The following KIF26B variants were observed in gnomAD, a reference collection of about 807,000 sequenced individuals.
The protein encoded by KIF26B is kinesin family member 26B, also known as kinesin-like protein KIF26B.
A neutral mutation model predicts 151.2 loss-of-function variants in KIF26B; 63 were observed. The observed-to-expected ratio is 0.42, with a 90% CI of 0.34 to 0.51. The LOEUF is 0.51. Ranked by LOEUF, KIF26B falls within the 20% of genes least tolerant of loss-of-function variation. The probability of loss-of-function intolerance (pLI) is 0.07; values close to 1 mark genes in which losing one functional copy is unlikely to be tolerated. For missense variants in KIF26B, 2,813 were observed against 2,913.6 expected, an observed-to-expected ratio of 0.97 and a Z score of 0.79; for synonymous variants, 1,357 against 1,262.1, an observed-to-expected ratio of 1.08 and a Z score of -1.59.
At position 245,156,431 on chromosome 1, in the gene KIF26B, C is replaced by T. The variant is rs1004270586; in HGVS notation, c.213C>T (p.Pro71=). 29 of 1,527,934 alleles carry T rather than the reference C, an allele frequency of 1.9e-5. No individual in the cohort carries two copies. In the African/African-American group the frequency reaches 3.8e-4, roughly 20 times the overall value. 94.6% of individuals were successfully genotyped at this position (1,527,934 alleles called of 1,614,324 possible). A position where few individuals can be genotyped will look rare whatever the true frequency, so the allele number is the denominator to read the frequency against. Residue 71 remains proline (P), a synonymous_variant, in exon 2 of 15, where the codon CCC becomes CCT. Coordinates refer to ENST00000407071, the MANE Select transcript of KIF26B (RefSeq NM_018012.4). ...SALGSSGTPS[P]GSGTSSPSSF... is the part of the protein sequence containing the mutation. ...TCGGCTCCTCGGGGACCCCGTCTCC[C>T]GGCTCGGGCACCTCGTCCCCGAGCT...
chr1:245,343,689 G>A (rs148290397), intron 2 of KIF26B, among the ~76,000 whole-genome samples: 7 of 152,224 alleles, frequency 4.6e-5, no homozygotes, highest in African/African-American at 1.2e-4. Flanking sequence ...AGTGCTTGAC[G>A]GTTTTGACAG....
intron 5 of KIF26B, among the ~76,000 whole-genome samples, chr1:245,553,293 T>C (rs1314157595): frequency 5.3e-5 from 8 of 152,182 alleles, no homozygotes; most frequent in Non-Finnish European, 7.3e-5. Flanking sequence ...GAACCTGTCC[T>C]CTGGATGGCT....
intron 2 of KIF26B, among the ~76,000 whole-genome samples, chr1:245,326,136 A>G (rs73130851): frequency 0.11 from 16,215 of 152,144 alleles, 1,591 homozygotes; most frequent in African/African-American, 0.26. Context: ...TTCTAAAAGT[A>G]AGGCGTGTTC....
At chr1:245,381,741 C>G (rs911856677) in intron 3 of KIF26B, among the ~76,000 whole-genome samples, 7 of 152,186 alleles carry the variant, frequency 4.6e-5, no homozygotes, top group African/African-American at 1.7e-4. Context: ...ATTCTCCCTC[C>G]CACCAGCCCC....
chr1:245,513,370 T>C (rs1435443340), intron 4 of KIF26B, among the ~76,000 whole-genome samples: 2 of 151,396 alleles, frequency 1.3e-5, no homozygotes, highest in Admixed American at 1.3e-4. Context: ...TGCTGAGCAA[T>C]TAAAAAAAAA....
chr1:245,188,554 A>G (rs1161308787), intron 2 of KIF26B, among the ~76,000 whole-genome samples: 1 of 152,222 alleles, frequency 6.6e-6, no homozygotes, highest in African/African-American at 2.4e-5. Flanking sequence ...CTAGCTCCCA[A>G]GTTAGTTCCT....
Position 245,702,538 on chromosome 1 carries a change from C to T in KIF26B, c.6259C>T (p.Arg2087Cys), listed in dbSNP as rs750075889. The change falls in exon 15 of 15, where the codon CGT (arginine) becomes TGT (cysteine). Residue 2087 changes from arginine (R) to cysteine (C), a missense_variant. Around this residue, in one of 3 missense-constraint regions of KIF26B, gnomAD observed 2,060 missense variants for 2,088.6 expected, o/e 0.99. Coordinates refer to ENST00000407071, the MANE Select transcript of KIF26B (RefSeq NM_018012.4). The surrounding 1 kb of genome is among the most constrained non-coding windows in gnomAD (Gnocchi z 4.1). ...LECVTERLES[R>C]VNFCKAHLMM... ...GTGTGTGACGGAGCGCCTGGAGAGCCGTGTCAACTTCTGCAAGGCCCATCT... is the reference window on the plus strand; with the variant it reads ...GTGTGTGACGGAGCGCCTGGAGAGCTGTGTCAACTTCTGCAAGGCCCATCT... 6.2e-6 allele frequency: 10 copies of T among 1,613,814 alleles called. No individual in the cohort carries two copies. The highest frequency in any genetic ancestry group is 5.0e-5 in the Admixed American group (3 of 59,994).
chr1:245,392,233 A>G (rs769860462), intron 3 of KIF26B, among the ~76,000 whole-genome samples: 7 of 152,168 alleles, frequency 4.6e-5, no homozygotes, highest in Non-Finnish European at 1.0e-4. Flanking sequence ...CACCCACCCC[A>G]ATCCTACGCC....
intron 2 of KIF26B, among the ~76,000 whole-genome samples, chr1:245,316,184 T>TA (rs1671770973): frequency 6.6e-6 from 1 of 151,770 alleles, no homozygotes; most frequent in Non-Finnish European, 1.5e-5. Context: ...TTGCCCAGGA[T>TA]AGAGTGCAGT....
chr1:245,546,522 G>C (rs1384968872), intron 5 of KIF26B, among the ~76,000 whole-genome samples: 1 of 152,118 alleles, frequency 6.6e-6, no homozygotes, highest in African/African-American at 2.4e-5. Context: ...TATTATTGCT[G>C]TCCTTCCTCA....
At chr1:245,623,059 T>G (rs1333983717) in intron 9 of KIF26B, among the ~76,000 whole-genome samples, 1 of 150,016 alleles carries the variant, frequency 6.7e-6, no homozygotes, top group Non-Finnish European at 1.5e-5. Flanking sequence ...TTTTGTTGTT[T>G]TTTAACAACT....
At chr1:245,234,175 C>T (rs914347228) in intron 2 of KIF26B, among the ~76,000 whole-genome samples, 1 of 151,594 alleles carries the variant, frequency 6.6e-6, no homozygotes. Flanking sequence ...TAGAACGAGA[C>T]TCCCTCTTAA....
chr1:245,592,221 A>C (rs1393322393), intron 5 of KIF26B, among the ~76,000 whole-genome samples: 4 of 152,148 alleles, frequency 2.6e-5, no homozygotes, highest in Non-Finnish European at 4.4e-5. Flanking sequence ...GCTGTCTGGC[A>C]CCACGGGAGC....
intron 9 of KIF26B, among the ~76,000 whole-genome samples, chr1:245,635,428 C>G (rs1233831981): frequency 6.6e-6 from 1 of 151,934 alleles, no homozygotes; most frequent in African/African-American, 2.4e-5. Context: ...CATAATGTTT[C>G]TTTATTATCT....
chr1:245,177,751 C>T (rs1668835974), intron 2 of KIF26B, among the ~76,000 whole-genome samples: 1 of 151,746 alleles, frequency 6.6e-6, no homozygotes, highest in Non-Finnish European at 1.5e-5. Context: ...AGGCCTGTTT[C>T]TGATTAGTAA....
At chr1:245,185,358 C>T (rs924897637) in intron 2 of KIF26B, among the ~76,000 whole-genome samples, 7 of 152,006 alleles carry the variant, frequency 4.6e-5, no homozygotes, top group African/African-American at 1.2e-4. Context: ...AGGCTGGTCT[C>T]GAACTCCTGA....
intron 10 of KIF26B, among the ~76,000 whole-genome samples, chr1:245,679,060 G>A (rs906854671): frequency 3.9e-5 from 6 of 151,970 alleles, no homozygotes; most frequent in Admixed American, 6.6e-5. Context: ...ACTGTTTCCC[G>A]GTTACTCTAG....
chr1:245,200,999 G>A (rs1388656604), intron 2 of KIF26B, among the ~76,000 whole-genome samples: 1 of 152,158 alleles, frequency 6.6e-6, no homozygotes, highest in African/African-American at 2.4e-5. Context: ...CACACCCTGT[G>A]CCCAGTATTT....
intron 2 of KIF26B, among the ~76,000 whole-genome samples, chr1:245,303,388 C>T (rs922955818): frequency 1.6e-4 from 24 of 150,608 alleles, no homozygotes; most frequent in Non-Finnish European, 2.1e-4. Flanking sequence ...TTAGTAGAGA[C>T]GGGGTTTCAC....
Sources: allele counts gnomAD v4.1 joint callset (sites outside exome capture counted in the v4.1 genomes callset), GRCh38; gene constraint gnomAD v4.1.1; regional missense constraint gnomAD v4.1.1; non-coding constraint Gnocchi (gnomAD v3.1); transcripts MANE v1.5; gene names NCBI Gene and HGNC (gene_info 2026-07-23, HGNC 2026-07-21).